Variants in SCN1A observed in about 807,000 individuals in gnomAD.
SCN1A encodes the protein sodium voltage-gated channel alpha subunit 1, also known as sodium channel protein type 1 subunit alpha.
Under a neutral mutation model 193.7 loss-of-function variants are expected in SCN1A, and 13 were observed. The ratio of observed to expected loss-of-function variants is 0.07; its 90% CI spans 0.04 to 0.11. SCN1A has a LOEUF of 0.11. Among genes scored for constraint, SCN1A ranks in the 10% least tolerant of loss-of-function variants. The probability of loss-of-function intolerance (pLI) is 1.00; values close to 1 mark genes in which losing one functional copy is unlikely to be tolerated. For missense variants in SCN1A, 1,432 were observed against 2,451.1 expected (o/e 0.58, Z 8.78); for synonymous variants, 781 against 843.6 (o/e 0.93, Z 1.29).
Position 166,047,180 on chromosome 2 carries a change from A to G in SCN1A, c.1171-204T>C, listed in dbSNP as rs548076246. 1.1e-4 allele frequency among the ~76,000 whole-genome samples: 16 copies of G among 152,148 alleles called. 1 individual carries two copies. In the East Asian group the frequency reaches 2.9e-3, roughly 28 times the overall value. On this transcript the variant is annotated intron_variant, in intron 11 of 28. Transcript: ENST00000674923. ...CTTATGCATTCACACTATGATTTCT[A>G]TGGCAGAATTTTTGTATTCACCAAG...
At chr2:166,099,148 A>G (rs1687738993) in intron 2 of SCN1A, among the ~76,000 whole-genome samples, 1 of 152,174 alleles carries the variant, frequency 6.6e-6, no homozygotes, top group Non-Finnish European at 1.5e-5. Context: ...CTGGCACAAA[A>G]ACAGCTTATC....
At chr2:166,017,154 A>C (rs1251636261) in intron 19 of SCN1A, among the ~76,000 whole-genome samples, 4 of 151,704 alleles carry the variant, frequency 2.6e-5, no homozygotes, top group Non-Finnish European at 5.9e-5. Context: ...AAATTATAAA[A>C]TATTTCTCAC....
At chr2:166,128,463 A>G (rs376837275), upstream of SCN1A, among the ~76,000 whole-genome samples, 8 of 152,256 alleles carry the variant, frequency 5.3e-5, no homozygotes, top group African/African-American at 1.9e-4. Context: ...TTACAGATCT[A>G]TGGCTTCACA....
chr2:165,994,034 A>C, intron 28 of SCN1A, 112 bp downstream of exon 28: 1 of 895,826 alleles, frequency 1.1e-6, no homozygotes, highest in East Asian at 2.7e-5. Context: ...AAAATGTATC[A>C]AAATATTTAC....
intron 19 of SCN1A, among the ~76,000 whole-genome samples, chr2:166,023,703 C>T: frequency 6.6e-6 from 1 of 151,206 alleles, no homozygotes; most frequent in Non-Finnish European, 1.5e-5. Context: ...GGGACTGTGG[C>T]TAAAAAAGTC....
intron 22 of SCN1A, 42 bp from the exon 23 acceptor site, chr2:166,009,883 C>G: frequency 1.3e-6 from 2 of 1,585,564 alleles, no homozygotes; most frequent in Admixed American, 3.4e-5. Context: ...ACAGAATCAT[C>G]ATTCAATGTG....
upstream of SCN1A, among the ~76,000 whole-genome samples, chr2:166,128,489 A>G (rs1303228893): frequency 3.3e-5 from 5 of 152,124 alleles, no homozygotes; most frequent in Non-Finnish European, 7.4e-5. Flanking sequence ...CTGTTTTAAT[A>G]TTGTGTTTTA....
intron 4 of SCN1A, among the ~76,000 whole-genome samples, chr2:166,065,062 C>T (rs919475220): frequency 3.9e-5 from 6 of 152,124 alleles, no homozygotes; most frequent in African/African-American, 1.4e-4. Context: ...TATTTCTAGA[C>T]CCACAGGTCT....
In SCN1A at chr2:166,054,682, A is replaced by G. The variant is rs539168834; in HGVS notation, c.558T>C (p.Leu186=). 3.8e-5 allele frequency: 62 copies of G among 1,612,426 alleles called. No homozygotes were observed. In the South Asian group the frequency reaches 6.7e-4, roughly 17 times the overall value. ...AATCGAGCCAGTTCCATGGATCCCG[A>G]AGGAAAGTAAAATCTTCTAAACAGA... ...RGFCLEDFTF[L]RDPWNWLDFT... is the part of the protein sequence containing the mutation. The change falls in exon 7 of 29, where the codon CTT becomes CTC. Residue 186 remains leucine (L), a synonymous_variant. Coordinates refer to ENST00000674923, the MANE Select transcript of SCN1A (RefSeq NM_001165963.4).
At chr2:166,023,987 G>A (rs1694408438) in intron 19 of SCN1A, among the ~76,000 whole-genome samples, 2 of 152,010 alleles carry the variant, frequency 1.3e-5, no homozygotes, top group Non-Finnish European at 2.9e-5. Flanking sequence ...ATGTTGGCCA[G>A]GCTGGTCTTG....
rs542119079 is a variant in SCN1A, at chr2:166,148,186, T to C, written c.-50+861A>G. ...CTTCAACTTTTTAAATATCCATCTATTTTTTAGATTAGATGCCATCTGTTG... is the reference window on the plus strand; with the variant it reads ...CTTCAACTTTTTAAATATCCATCTACTTTTTAGATTAGATGCCATCTGTTG... On this transcript the variant is annotated intron_variant, in intron 1 of 26. Transcript: ENST00000635750. Among the ~76,000 whole-genome samples the C allele has an allele frequency of 2.0e-5, 3 of 152,334 alleles. No homozygotes were observed. The East Asian group carries it at 5.8e-4, about 29-fold the overall frequency.
At chr2:166,052,762 A>G in intron 8 of SCN1A, 90 bp downstream of exon 8, 1 of 1,078,702 alleles carries the variant, frequency 9.3e-7, no homozygotes, top group Non-Finnish European at 1.4e-6. Context: ...TAGTCTTATG[A>G]TTCCTGATTT....
chr2:166,061,000 G>A (rs2105927683), intron 4 of SCN1A: 1 of 152,220 alleles, frequency 6.6e-6, no homozygotes, highest in South Asian at 2.1e-4. Context: ...GAAACAAATA[G>A]TAGTGATACA....
chr2:166,118,161 A>T (rs542438463), intron 2 of SCN1A, among the ~76,000 whole-genome samples: 1 of 150,766 alleles, frequency 6.6e-6, no homozygotes, highest in Non-Finnish European at 1.5e-5. Flanking sequence ...AGAGAGAGAG[A>T]GAGTCAGGGA....
intron 19 of SCN1A, among the ~76,000 whole-genome samples, chr2:166,026,683 T>C (rs868516109): frequency 2.3e-4 from 30 of 128,010 alleles, no homozygotes; most frequent in East Asian, 1.4e-3. Flanking sequence ...TTCTTTCTTT[T>C]TTTTTTTTTT....
intron 4 of SCN1A, among the ~76,000 whole-genome samples, chr2:166,066,621 C>T (rs1245653396): frequency 1.3e-5 from 2 of 152,084 alleles, no homozygotes; most frequent in Non-Finnish European, 2.9e-5. Flanking sequence ...TTGGAATTTT[C>T]AGGTTCAGTA....
At chr2:166,129,669 GAACT>G (rs1225357200), upstream of SCN1A, among the ~76,000 whole-genome samples, 1 of 152,154 alleles carries the variant, frequency 6.6e-6, no homozygotes, top group Non-Finnish European at 1.5e-5. Context: ...GGAACTGCAT[GAACT>G]AACAGGCAAT....
At chr2:166,124,273 G>A (rs566653098) in intron 2 of SCN1A, among the ~76,000 whole-genome samples, 2 of 151,696 alleles carry the variant, frequency 1.3e-5, no homozygotes, top group Non-Finnish European at 1.5e-5. Flanking sequence ...AAATAGCCCG[G>A]TGTGATGGCT....
At position 166,003,072 on chromosome 2, in the gene SCN1A, G is replaced by GTTGT. The variant is rs10654011; in HGVS notation, c.4003-320_4003-319insACAA. Among the ~76,000 whole-genome samples the GTTGT allele has an allele frequency of 0.7, 105,111 of 150,606 alleles. 37,684 individuals are homozygous for GTTGT. The highest frequency in any genetic ancestry group is 0.86 in the African/African-American group (35,602 of 41,204). On this transcript the variant is annotated intron_variant, in intron 23 of 28. Coordinates refer to ENST00000674923, the MANE Select transcript of SCN1A (RefSeq NM_001165963.4). ...TGCTGCCAGATGAAGTCAGAATTGT[G>GTTGT]TTATCAGAATAAAGAAAAGTTAAAA...
Sources: gnomAD v4.1 joint callset for allele counts (sites outside exome capture counted in the v4.1 genomes callset) on GRCh38, gnomAD v4.1.1 for gene constraint, MANE v1.5 for transcripts, NCBI Gene and HGNC (gene_info 2026-07-23, HGNC 2026-07-21) for gene names.